The following ANO10 variants were observed in gnomAD, a reference collection of about 807,000 sequenced individuals.
The protein encoded by ANO10 is anoctamin-10.
Under a neutral mutation model 74.7 loss-of-function variants are expected in ANO10, and 77 were observed. The observed-to-expected ratio is 1.03, with a 90% confidence interval of 0.86 to 1.25. ANO10 has a LOEUF of 1.25. Ranked by LOEUF, ANO10 falls within the 50% of genes most tolerant of loss-of-function variation. The probability of loss-of-function intolerance (pLI) is 0.00; values close to 1 mark genes in which losing one functional copy is unlikely to be tolerated. For missense variants in ANO10, 721 were observed against 778.1 expected (o/e 0.93, Z 0.87); for synonymous variants, 279 against 284.9 (o/e 0.98, Z 0.21).
At chr3:43,486,268 T>C (rs2076485063) in intron 11 of ANO10, among the ~76,000 whole-genome samples, 1 of 152,218 alleles carries the variant, frequency 6.6e-6, no homozygotes. Flanking sequence ...TTCTCTCCCC[T>C]ATAACCTGTC....
intron 11 of ANO10, among the ~76,000 whole-genome samples, chr3:43,492,118 G>A (rs2076746471): frequency 6.6e-6 from 1 of 152,048 alleles, no homozygotes; most frequent in African/African-American, 2.4e-5. Context: ...AAAACCAGAG[G>A]CCTCAGAAAT....
Position 43,533,356 on chromosome 3 carries a change from G to A in ANO10, c.1797+16364C>T, listed in dbSNP as rs1225030204. ...TAAATTATTTGAAGTAGAATTTGTA[G>A]GCCAAAAAGTATACTTATATCACAT... is the stretch of plus-strand genomic sequence containing the variant. On this transcript the variant is annotated intron_variant, in intron 11 of 12. Transcript: ENST00000292246. Among the ~76,000 whole-genome samples the A allele has an allele frequency of 2.6e-5, 4 of 152,124 alleles. No individual in the cohort carries two copies. The East Asian group carries it at 7.7e-4, about 29-fold the overall frequency.
intron 11 of ANO10, among the ~76,000 whole-genome samples, chr3:43,433,598 T>A (rs2093024433): frequency 6.6e-6 from 1 of 152,222 alleles, no homozygotes; most frequent in Non-Finnish European, 1.5e-5. Flanking sequence ...ACAGACATTA[T>A]AATATGGAAA....
chr3:43,603,794 C>A lies in ANO10; in HGVS notation c.139+1920G>T, dbSNP rs748852899. 2.6e-5 allele frequency among the ~76,000 whole-genome samples: 4 copies of A among 152,284 alleles called. No homozygotes were observed. The East Asian group carries it at 7.7e-4, about 29-fold the overall frequency. On this transcript the variant is annotated intron_variant, in intron 2 of 12. Transcript: ENST00000292246. ...GCAACCCCCTGATTTCTGCACCTTT[C>A]GTTATTTTGTCTTAAGCTGGTCAGG...
intron 4 of ANO10, among the ~76,000 whole-genome samples, chr3:43,581,348 G>T (rs752789587): frequency 2.6e-5 from 4 of 152,150 alleles, no homozygotes; most frequent in Non-Finnish European, 4.4e-5. Context: ...TGACTAGTAT[G>T]GTTTGAACAC....
At chr3:43,427,921 T>A (rs187661057) in intron 12 of ANO10, among the ~76,000 whole-genome samples, 1 of 152,176 alleles carries the variant, frequency 6.6e-6, no homozygotes. Context: ...AAAATGTTTG[T>A]CTCTCCTGGT....
intron 12 of ANO10, among the ~76,000 whole-genome samples, chr3:43,379,483 G>A (rs2091900590): frequency 6.6e-6 from 1 of 152,200 alleles, no homozygotes; most frequent in Admixed American, 6.5e-5. Flanking sequence ...AAGAACTACT[G>A]CAGGAACATA....
intron 11 of ANO10, among the ~76,000 whole-genome samples, chr3:43,442,876 T>A (rs1276955495): frequency 6.6e-6 from 1 of 152,202 alleles, no homozygotes. Context: ...CATCCTTTGG[T>A]ATAGATTGTA....
intron 1 of ANO10, among the ~76,000 whole-genome samples, chr3:43,685,076 T>C (rs1410792893): frequency 6.6e-6 from 1 of 152,196 alleles, no homozygotes; most frequent in African/African-American, 2.4e-5. Flanking sequence ...AAACTTAAAG[T>C]ATAATAAAGA....
chr3:43,472,696 A>T (rs2075910737), intron 11 of ANO10: 3 of 152,230 alleles, frequency 2.0e-5, no homozygotes, highest in African/African-American at 7.2e-5. Flanking sequence ...TGCTATAAAA[A>T]AAATTTTTGG....
At chr3:43,626,402 C>T (rs566616356), upstream of ANO10, among the ~76,000 whole-genome samples, 10 of 150,262 alleles carry the variant, frequency 6.7e-5, no homozygotes, top group Non-Finnish European at 1.2e-4. Context: ...TCAAGCAATT[C>T]TCATGCATGC....
At chr3:43,373,620 T>C (rs2091695561) in intron 12 of ANO10, among the ~76,000 whole-genome samples, 1 of 152,232 alleles carries the variant, frequency 6.6e-6, no homozygotes, top group Non-Finnish European at 1.5e-5. Flanking sequence ...AGGAGATATT[T>C]TGAGACTGCA....
chr3:43,527,649 T>C (rs1366942741), intron 11 of ANO10, among the ~76,000 whole-genome samples: 2 of 152,060 alleles, frequency 1.3e-5, no homozygotes, highest in South Asian at 2.1e-4. Context: ...TCGTGTTACA[T>C]GAAAATAGGG....
chr3:43,636,013 T>TAA (rs942467438), intron 1 of ANO10, among the ~76,000 whole-genome samples: 2 of 147,046 alleles, frequency 1.4e-5, no homozygotes, highest in African/African-American at 5.0e-5. Flanking sequence ...AACAAACAAG[T>TAA]AAAAAAAACA....
At chr3:43,369,342 G>A (rs1469326317) in intron 12 of ANO10, among the ~76,000 whole-genome samples, 1 of 152,260 alleles carries the variant, frequency 6.6e-6, no homozygotes, top group Non-Finnish European at 1.5e-5. Flanking sequence ...GAGGTCACAA[G>A]GTCATCTGCA....
chr3:43,507,898 C>T (rs1028924786), intron 11 of ANO10, among the ~76,000 whole-genome samples: 28 of 151,660 alleles, frequency 1.8e-4, no homozygotes, highest in Admixed American at 1.8e-3. Flanking sequence ...CAAATACTTG[C>T]AAAAAATGTC....
intron 12 of ANO10, among the ~76,000 whole-genome samples, chr3:43,388,913 T>G (rs1174373154): frequency 6.6e-6 from 1 of 152,232 alleles, no homozygotes; most frequent in East Asian, 1.9e-4. Context: ...AGTCTAAAGT[T>G]GCAGCTGTAC....
At chr3:43,386,394 G>GGGGAAA (rs1018734785) in intron 12 of ANO10, among the ~76,000 whole-genome samples, 1 of 137,986 alleles carries the variant, frequency 7.2e-6, no homozygotes, top group Non-Finnish European at 1.6e-5. Context: ...GAAAGGGGAA[G>GGGGAAA]GGAAAGGAAA....
chr3:43,393,391 A>T (rs1325383279), intron 12 of ANO10, among the ~76,000 whole-genome samples: 1 of 152,184 alleles, frequency 6.6e-6, no homozygotes, highest in South Asian at 2.1e-4. Context: ...CCACCTTCAC[A>T]TAAATCCATC....
Sources: gnomAD v4.1 joint callset for allele counts (sites outside exome capture counted in the v4.1 genomes callset) on GRCh38, gnomAD v4.1.1 for gene constraint, MANE v1.5 for transcripts, NCBI Gene and HGNC (gene_info 2026-07-23, HGNC 2026-07-21) for gene names.